The following PPP1R9A variants were observed in gnomAD, a reference collection of about 807,000 sequenced individuals.
PPP1R9A encodes protein phosphatase 1 regulatory subunit 9A.
A neutral mutation model predicts 141.9 loss-of-function variants in PPP1R9A; 59 were observed. The ratio of observed to expected loss-of-function variants is 0.42; its 90% CI spans 0.34 to 0.52. The LOEUF (loss-of-function observed/expected upper bound fraction) is 0.52. Ranked by LOEUF, PPP1R9A falls within the 20% of genes least tolerant of loss-of-function variation. The probability of loss-of-function intolerance (pLI) is 0.10; values close to 1 mark genes in which losing one functional copy is unlikely to be tolerated. For missense variants in PPP1R9A, 1,444 were observed against 1,611.9 expected, an observed-to-expected ratio of 0.90 and a Z score of 1.78; for synonymous variants, 500 against 569.7, an observed-to-expected ratio of 0.88 and a Z score of 1.74.
intron 2 of PPP1R9A, among the ~76,000 whole-genome samples, chr7:95,110,502 T>C (rs1414004325): frequency 1.2e-4 from 19 of 152,152 alleles, no homozygotes; most frequent in African/African-American, 4.3e-4. Context: ...TATTTTTTCC[T>C]GTATTAAGAG....
intron 4 of PPP1R9A, among the ~76,000 whole-genome samples, chr7:95,135,740 T>C (rs1825537198): frequency 6.6e-6 from 1 of 152,042 alleles, no homozygotes. Flanking sequence ...TAAAAAAATA[T>C]TTGCCTTCTC....
At chr7:95,070,423 C>T (rs968618969) in intron 2 of PPP1R9A, among the ~76,000 whole-genome samples, 7 of 151,704 alleles carry the variant, frequency 4.6e-5, no homozygotes, top group African/African-American at 1.5e-4. Context: ...TAATAGTTTC[C>T]CTTGAAATTA....
At chr7:95,198,589 TG>T (rs1836632390) in intron 6 of PPP1R9A, 105 bp downstream of exon 6, 1 of 1,324,180 alleles carries the variant, frequency 7.6e-7, no homozygotes, top group Non-Finnish European at 1.0e-6. Flanking sequence ...TTGAGGAAGG[TG>T]TGTCCACATT....
intron 2 of PPP1R9A, among the ~76,000 whole-genome samples, chr7:95,002,021 T>G (rs377362047): frequency 6.6e-6 from 1 of 152,290 alleles, no homozygotes; most frequent in Admixed American, 6.5e-5. Context: ...TAATAAGTGC[T>G]CTCTCTGCAG....
intron 2 of PPP1R9A, among the ~76,000 whole-genome samples, chr7:95,047,334 G>A (rs1810167557): frequency 6.6e-6 from 1 of 152,164 alleles, no homozygotes; most frequent in African/African-American, 2.4e-5. Context: ...CAGTTATAGA[G>A]AGCTGTCAAT....
intron 2 of PPP1R9A, among the ~76,000 whole-genome samples, chr7:94,946,290 G>C (rs1188993696): frequency 2.0e-5 from 3 of 148,362 alleles, no homozygotes; most frequent in African/African-American, 4.9e-5. Flanking sequence ...GCCATGCCTG[G>C]AGAGTTTGTA....
rs1472726981 is a variant in PPP1R9A, at chr7:95,273,836, CTT to C, written c.3125-60_3125-59del. 5.8e-6 allele frequency: 8 copies of C among 1,388,064 alleles called. No homozygotes were observed. The Admixed American group carries it at 6.4e-5, about 11-fold the overall frequency. 86.0% of individuals were successfully genotyped at this position (1,388,064 alleles called of 1,614,324 possible). Reference sequence around the variant, plus strand: ...GCCCTTAGATTCAGAGATGCATTGACTTTTGAATTGTGACTTTAAAAATAATA... The same window carrying C: ...GCCCTTAGATTCAGAGATGCATTGACTTGAATTGTGACTTTAAAAATAATA... On this transcript the variant is annotated intron_variant, in intron 14 of 19. Coordinates refer to ENST00000433360, the MANE Select transcript of PPP1R9A (RefSeq NM_001166160.2).
In PPP1R9A at chr7:95,126,846, A is replaced by G. The variant is rs1269438890; in HGVS notation, c.1649+6014A>G. Among the ~76,000 whole-genome samples, 3 of 152,090 alleles carry G rather than the reference A, an allele frequency of 2.0e-5. No individual in the cohort carries two copies. The East Asian group carries it at 5.8e-4, about 29-fold the overall frequency. On this transcript the variant is annotated intron_variant, in intron 4 of 19. Coordinates refer to ENST00000433360, the MANE Select transcript of PPP1R9A (RefSeq NM_001166160.2). Reference sequence around the variant, plus strand: ...GCAAAGTGGGTGTTAGACACCAGAAAATTTTTCCCGTCACAGTAACCATTT... The same window carrying G: ...GCAAAGTGGGTGTTAGACACCAGAAGATTTTTCCCGTCACAGTAACCATTT...
intron 4 of PPP1R9A, among the ~76,000 whole-genome samples, chr7:95,141,057 A>T (rs1381096084): frequency 1.3e-5 from 2 of 152,196 alleles, no homozygotes; most frequent in African/African-American, 4.8e-5. Flanking sequence ...ATAAACAATA[A>T]AATATTCTTG....
At chr7:95,114,700 T>A (rs1451052248) in intron 3 of PPP1R9A, among the ~76,000 whole-genome samples, 1 of 152,066 alleles carries the variant, frequency 6.6e-6, no homozygotes, top group Non-Finnish European at 1.5e-5. Flanking sequence ...AGTGGGTTAA[T>A]ATAATGAACT....
intron 2 of PPP1R9A, among the ~76,000 whole-genome samples, chr7:95,066,307 A>C (rs1812943867): frequency 6.6e-6 from 1 of 152,214 alleles, no homozygotes; most frequent in Non-Finnish European, 1.5e-5. Context: ...TTGCACTTCC[A>C]GCCTGCCTAA....
Position 95,198,475 on chromosome 7 carries a change from C to T in PPP1R9A, c.1881C>T (p.Asp627=), listed in dbSNP as rs761839440. The T allele has an allele frequency of 1.2e-5, 19 of 1,587,242 alleles. No individual in the cohort carries two copies. The highest frequency in any genetic ancestry group is 1.9e-5 in the Admixed American group (1 of 53,070). Residue 627 remains aspartate (D), a synonymous_variant, in exon 6 of 20, where the codon GAC becomes GAT. Transcript: ENST00000433360. The part of the protein sequence containing the change: ...LEQHYAQYDA[D]DDENTVAELQ... ...AGCACTATGCCCAGTATGATGCCGACGATGACGAGGTCAGTAGTGCTTGCA... is the reference window on the plus strand; with the variant it reads ...AGCACTATGCCCAGTATGATGCCGATGATGACGAGGTCAGTAGTGCTTGCA...
At chr7:95,015,781 G>A (rs1156867988) in intron 2 of PPP1R9A, among the ~76,000 whole-genome samples, 1 of 152,090 alleles carries the variant, frequency 6.6e-6, no homozygotes. Flanking sequence ...GATTTATGGT[G>A]GCTCATGTCT....
chr7:95,250,076 A>G lies in PPP1R9A; in HGVS notation c.2217A>G (p.Gln739=), dbSNP rs1445115492. 1.9e-6 allele frequency: 3 copies of G among 1,612,692 alleles called. No homozygotes were observed. Among genetic ancestry groups the G allele is most frequent in the Non-Finnish European group, 2.5e-6 (3 of 1,179,612 alleles). The change falls in exon 10 of 20, where the codon CAA becomes CAG. Residue 739 remains glutamine, a synonymous_variant. Transcript: ENST00000433360. ...TGAGGTGGGAACTAGAAAAAACCCA[A>G]CTCCAACAAAACATAGAAGAGAATA... is the stretch of plus-strand genomic sequence containing the variant. ...EKVRWELEKT[Q]LQQNIEENKE...
intron 2 of PPP1R9A, among the ~76,000 whole-genome samples, chr7:94,920,858 A>C (rs1490552219): frequency 6.6e-6 from 1 of 152,106 alleles, no homozygotes; most frequent in African/African-American, 2.4e-5. Flanking sequence ...ACCCTATGAA[A>C]CTGAGTGACC....
intron 2 of PPP1R9A, among the ~76,000 whole-genome samples, chr7:94,946,724 A>G (rs187177964): frequency 9.2e-5 from 14 of 152,256 alleles, no homozygotes; most frequent in Admixed American, 7.9e-4. Context: ...ATGTAATTCA[A>G]ATTTACTTTC....
intron 2 of PPP1R9A, among the ~76,000 whole-genome samples, chr7:95,009,792 AGTGC>A (rs1804154724): frequency 6.6e-6 from 1 of 152,188 alleles, no homozygotes; most frequent in African/African-American, 2.4e-5. Flanking sequence ...AGGCAGGAAT[AGTGC>A]ACACAGCATA....
intron 2 of PPP1R9A, among the ~76,000 whole-genome samples, chr7:94,985,764 T>C (rs1800752753): frequency 6.6e-6 from 1 of 152,046 alleles, no homozygotes; most frequent in African/African-American, 2.4e-5. Flanking sequence ...TTTCTTATGA[T>C]TGAGGGCACT....
intron 8 of PPP1R9A, among the ~76,000 whole-genome samples, chr7:95,240,814 A>G (rs1429261469): frequency 1.3e-5 from 2 of 152,154 alleles, no homozygotes; most frequent in Non-Finnish European, 2.9e-5. Flanking sequence ...TATGGGATAC[A>G]TCATTTTCAC....
Sources: gnomAD v4.1 joint callset for allele counts (sites outside exome capture counted in the v4.1 genomes callset) on GRCh38, gnomAD v4.1.1 for gene constraint, MANE v1.5 for transcripts, NCBI Gene and HGNC (gene_info 2026-07-23, HGNC 2026-07-21) for gene names.